Variants in SERAC1 observed in about 807,000 individuals in gnomAD.
SERAC1 encodes serine active site containing 1.
SERAC1 carries 36 observed loss-of-function variants against 85.7 expected under a neutral mutation model. The observed-to-expected ratio is 0.42, with a 90% CI of 0.32 to 0.55. The LOEUF (loss-of-function observed/expected upper bound fraction) is 0.55, where lower values mean the gene tolerates loss of function less well. Ranked by LOEUF, SERAC1 falls within the 20% of genes least tolerant of loss-of-function variation. The pLI, the probability that SERAC1 is intolerant of heterozygous loss-of-function variation, is 0.11. For synonymous variants in SERAC1, 242 were observed against 265.3 expected, an observed-to-expected ratio of 0.91 and a Z score of 0.85; for missense variants, 629 against 796.2, an observed-to-expected ratio of 0.79 and a Z score of 2.53.
chr6:158,150,852 C>A (rs1177706567), intron 3 of SERAC1, among the ~76,000 whole-genome samples: 1 of 152,150 alleles, frequency 6.6e-6, no homozygotes, highest in Non-Finnish European at 1.5e-5. Context: ...GAGTAGCCAT[C>A]GTAACACATT....
chr6:158,115,051 C>A (rs967407396), intron 14 of SERAC1, 80 bp from the exon 15 acceptor site: 8 of 1,377,892 alleles, frequency 5.8e-6, no homozygotes, highest in Middle Eastern at 1.9e-4. Flanking sequence ...AAAGGCCAAA[C>A]AAGAAATACA....
intron 6 of SERAC1, chr6:158,146,550 A>G (rs1785063607): frequency 1.4e-5 from 5 of 347,490 alleles, no homozygotes; most frequent in South Asian, 1.3e-4. Flanking sequence ...CTGGGACTAC[A>G]GACGCCCGCC....
chr6:158,167,081 A>G (rs1231270888), intron 1 of SERAC1, among the ~76,000 whole-genome samples: 1 of 152,162 alleles, frequency 6.6e-6, no homozygotes, highest in Non-Finnish European at 1.5e-5. Flanking sequence ...CTTGGGAAGA[A>G]GAAGACTTGG....
At chr6:158,167,484 G>C (rs966045723) in intron 1 of SERAC1, among the ~76,000 whole-genome samples, 2 of 138,986 alleles carry the variant, frequency 1.4e-5, no homozygotes, top group African/African-American at 5.4e-5. Flanking sequence ...GTTGCAGTGA[G>C]CCCAGATCGC....
intron 6 of SERAC1, among the ~76,000 whole-genome samples, chr6:158,145,674 A>G (rs1321216330): frequency 6.6e-6 from 1 of 151,840 alleles, no homozygotes; most frequent in Non-Finnish European, 1.5e-5. Flanking sequence ...ACACGTCACC[A>G]TGCCCAGCTA....
chr6:158,147,615 A>AC (rs1032414865), intron 5 of SERAC1, among the ~76,000 whole-genome samples: 1 of 150,350 alleles, frequency 6.7e-6, no homozygotes, highest in Non-Finnish European at 1.5e-5. Flanking sequence ...AAAAAAAAAA[A>AC]AAAAATTAGC....
At chr6:158,155,489 C>A (rs866718661) in intron 2 of SERAC1, 138 bp from the exon 3 acceptor site, 15 of 568,108 alleles carry the variant, frequency 2.6e-5, no homozygotes, top group Non-Finnish European at 4.4e-5. Context: ...TAATCAGTTG[C>A]TATTAATAAA....
chr6:158,114,389 G>T, intron 15 of SERAC1: 1 of 697,906 alleles, frequency 1.4e-6, no homozygotes, highest in Non-Finnish European at 1.8e-6. Flanking sequence ...AGAGAAAACT[G>T]CTTATCAAAC....
At chr6:158,145,595 A>C (rs1463510013) in intron 6 of SERAC1, among the ~76,000 whole-genome samples, 1 of 144,900 alleles carries the variant, frequency 6.9e-6, no homozygotes, top group African/African-American at 2.6e-5. Flanking sequence ...ATCTTGGCTC[A>C]CTAACAACTC....
At chr6:158,125,442 C>T (rs1276654315) in intron 10 of SERAC1, among the ~76,000 whole-genome samples, 2 of 152,162 alleles carry the variant, frequency 1.3e-5, no homozygotes, top group Admixed American at 1.3e-4. Flanking sequence ...ATGGCCAGAA[C>T]CTTGATCTTG....
chr6:158,143,196 G>A lies in SERAC1; in HGVS notation c.610-12C>T. On this transcript the variant is annotated splice_polypyrimidine_tract_variant and intron_variant, in intron 7 of 16. Transcript: ENST00000647468. The stretch of plus-strand genomic sequence containing the variant: ...TCAGTGGAAGAATCCTGAAATAAAA[G>A]GAAAGGAAATTCTTCATAAATACTC... The A allele has an allele frequency of 1.2e-6, 2 of 1,604,914 alleles. No individual in the cohort carries two copies. The highest frequency in any genetic ancestry group is 1.1e-5 in the South Asian group (1 of 89,446).
Position 158,144,482 on chromosome 6 carries a change from A to C in SERAC1, c.488-62T>G, listed in dbSNP as rs1166661741. ...CTAGCTGACAGATGTCATAAAGATTAACTGAACAAACAACTTGAAAGCACT... is the reference window on the plus strand; with the variant it reads ...CTAGCTGACAGATGTCATAAAGATTCACTGAACAAACAACTTGAAAGCACT... On this transcript the variant is annotated intron_variant, in intron 6 of 16. Coordinates refer to ENST00000647468, the MANE Select transcript of SERAC1 (RefSeq NM_032861.4). The C allele has an allele frequency of 2.0e-6, 3 of 1,466,038 alleles. No homozygotes were observed. In the African/African-American group the frequency reaches 4.2e-5, roughly 21 times the overall value. The allele number at this position is 1,466,038 out of a possible 1,614,324, so 90.8% of individuals were successfully genotyped here. A position where few individuals can be genotyped will look rare whatever the true frequency, so the allele number is the denominator to read the frequency against.
At chr6:158,130,800 C>T (rs1300724175) in intron 8 of SERAC1, among the ~76,000 whole-genome samples, 1 of 152,216 alleles carries the variant, frequency 6.6e-6, no homozygotes, top group Non-Finnish European at 1.5e-5. Context: ...GTTCTAGTGT[C>T]ATCTCTTTCA....
In SERAC1 at chr6:158,146,632, G is replaced by C. The variant is rs559208083; in HGVS notation, c.487+150C>G. Reference sequence around the variant, plus strand: ...CACCATGTTAGCCAGGGTGGGTCTTGAACTCCTGACCTTGTGATCCAACCA... The same window carrying C: ...CACCATGTTAGCCAGGGTGGGTCTTCAACTCCTGACCTTGTGATCCAACCA... On this transcript the variant is annotated intron_variant, in intron 6 of 16. Transcript: ENST00000647468. 557 of 873,308 alleles carry C rather than the reference G, an allele frequency of 6.4e-4. 1 individual carries two copies. The highest frequency in any genetic ancestry group is 8.5e-4 in the Non-Finnish European group (494 of 582,620). 54.1% of individuals were successfully genotyped at this position (873,308 alleles called of 1,614,324 possible). A position where few individuals can be genotyped will look rare whatever the true frequency, so the allele number is the denominator to read the frequency against.
At chr6:158,135,457 G>A (rs1400552477) in intron 8 of SERAC1, among the ~76,000 whole-genome samples, 3 of 151,942 alleles carry the variant, frequency 2.0e-5, no homozygotes, top group East Asian at 1.9e-4. Context: ...TGCTTGAACT[G>A]GGGAGGCGGA....
intron 8 of SERAC1, among the ~76,000 whole-genome samples, chr6:158,138,204 G>A (rs564920914): frequency 7.9e-5 from 12 of 152,134 alleles, no homozygotes; most frequent in Non-Finnish European, 1.5e-4. Flanking sequence ...AGGCCAAGGC[G>A]AGCAGATTAC....
intron 1 of SERAC1, chr6:158,166,174 A>T (rs1785593571): frequency 6.6e-6 from 1 of 152,240 alleles, no homozygotes; most frequent in Non-Finnish European, 1.5e-5. Flanking sequence ...ATAGTTTGAA[A>T]GTAAGAATCT....
intron 8 of SERAC1, among the ~76,000 whole-genome samples, chr6:158,132,642 T>C (rs1374848348): frequency 6.6e-6 from 1 of 152,214 alleles, no homozygotes; most frequent in African/African-American, 2.4e-5. Context: ...AGGACTTTCA[T>C]TTGTCTTGGC....
chr6:158,114,302 A>AAAAT (rs1314170202), intron 15 of SERAC1, among the ~76,000 whole-genome samples: 7 of 152,216 alleles, frequency 4.6e-5, no homozygotes, highest in African/African-American at 1.7e-4. Flanking sequence ...GAACAAAGAG[A>AAAAT]AAATAGGAGC....
Sources: gnomAD v4.1 joint callset for allele counts (sites outside exome capture counted in the v4.1 genomes callset) on GRCh38, gnomAD v4.1.1 for gene constraint, MANE v1.5 for transcripts, NCBI Gene and HGNC (gene_info 2026-07-23, HGNC 2026-07-21) for gene names.